UBE2E2: variants seen among roughly 807,000 people sequenced by gnomAD.
UBE2E2 encodes ubiquitin-conjugating enzyme E2 E2.
Under a neutral mutation model 24.7 loss-of-function variants are expected in UBE2E2, and 6 were observed. The ratio of observed to expected loss-of-function variants is 0.24; its 90% CI spans 0.13 to 0.48. UBE2E2 has a LOEUF of 0.48. UBE2E2 is among the 20% of genes least tolerant of loss of function. The pLI is 0.99. For missense variants in UBE2E2, 169 were observed against 245.0 expected, an observed-to-expected ratio of 0.69 and a Z score of 2.07; for synonymous variants, 104 against 83.6, an observed-to-expected ratio of 1.24 and a Z score of -1.33.
chr3:23,251,174 A>G (rs959619212), intron 3 of UBE2E2, among the ~76,000 whole-genome samples: 5 of 152,150 alleles, frequency 3.3e-5, no homozygotes, highest in African/African-American at 1.2e-4. Flanking sequence ...TCGTGTGTGT[A>G]TCAGCTTCAG....
chr3:23,418,185 C>T (rs551155443), intron 3 of UBE2E2, among the ~76,000 whole-genome samples: 5 of 152,284 alleles, frequency 3.3e-5, no homozygotes, highest in East Asian at 1.9e-4. Context: ...GCCCTGGTGG[C>T]GTAGGCACCC....
intron 5 of UBE2E2, among the ~76,000 whole-genome samples, chr3:23,561,266 A>T (rs1383985095): frequency 6.6e-6 from 1 of 152,158 alleles, no homozygotes; most frequent in Non-Finnish European, 1.5e-5. Flanking sequence ...TAAGGAAGGG[A>T]TCCAGTTTCA....
intron 2 of UBE2E2, among the ~76,000 whole-genome samples, chr3:23,212,489 T>C (rs1169142405): frequency 6.6e-6 from 1 of 152,186 alleles, no homozygotes; most frequent in African/African-American, 2.4e-5. Context: ...TTTTACGGGT[T>C]GATACATCTG....
chr3:23,322,899 G>A (rs57624654), intron 3 of UBE2E2, among the ~76,000 whole-genome samples: 49,098 of 151,584 alleles, frequency 0.32, 8,200 homozygotes, highest in South Asian at 0.37. Context: ...TAGCTGTAGA[G>A]TCCTAAGGAT....
At chr3:23,413,834 T>A (rs1697555788) in intron 3 of UBE2E2, among the ~76,000 whole-genome samples, 10 of 152,214 alleles carry the variant, frequency 6.6e-5, no homozygotes, top group Admixed American at 6.5e-4. Flanking sequence ...ATCCAGTGCA[T>A]ACCTGATGAG....
chr3:23,450,324 T>C (rs1416252915), intron 3 of UBE2E2, among the ~76,000 whole-genome samples: 4 of 152,200 alleles, frequency 2.6e-5, no homozygotes, highest in African/African-American at 9.6e-5. Flanking sequence ...ACTAACCTCA[T>C]GTGGCTACTG....
intron 2 of UBE2E2, among the ~76,000 whole-genome samples, chr3:23,211,885 G>A (rs913341829): frequency 1.3e-5 from 2 of 152,084 alleles, no homozygotes; most frequent in Non-Finnish European, 2.9e-5. Flanking sequence ...TAAAATCTAC[G>A]GTCATATTTT....
chr3:23,433,017 T>C (rs967855081), intron 3 of UBE2E2, among the ~76,000 whole-genome samples: 4 of 152,006 alleles, frequency 2.6e-5, no homozygotes, highest in Non-Finnish European at 5.9e-5. Flanking sequence ...ACAGAACTTT[T>C]AACTTATGAT....
intron 3 of UBE2E2, among the ~76,000 whole-genome samples, chr3:23,298,295 A>T (rs1698970479): frequency 6.6e-6 from 1 of 152,032 alleles, no homozygotes; most frequent in East Asian, 1.9e-4. Context: ...CTCCTGCCTA[A>T]TTGCCCTGGC....
intron 3 of UBE2E2, among the ~76,000 whole-genome samples, chr3:23,282,607 G>T (rs1484022179): frequency 6.6e-6 from 1 of 152,052 alleles, no homozygotes; most frequent in Non-Finnish European, 1.5e-5. Flanking sequence ...CCTGTGCCTT[G>T]TATTCTGCAG....
At chr3:23,351,826 G>A (rs1434671806) in intron 3 of UBE2E2, among the ~76,000 whole-genome samples, 1 of 152,072 alleles carries the variant, frequency 6.6e-6, no homozygotes, top group African/African-American at 2.4e-5. Flanking sequence ...ACAGATCAAC[G>A]AGACAGAAAG....
chr3:23,532,721 G>T lies in UBE2E2; in HGVS notation c.508+20G>T, dbSNP rs779113222. ...ACCCTGGTAAGAGACTTTAAATCTA[G>T]TATGAATTGGAGCTTGTCAAGATTT... is the stretch of plus-strand genomic sequence containing the variant. On this transcript the variant is annotated intron_variant, in intron 5 of 5. Transcript: ENST00000396703. 3.3e-6 allele frequency: 5 copies of T among 1,496,584 alleles called. No homozygotes were observed. The highest frequency in any genetic ancestry group is 4.5e-6 in the Non-Finnish European group (5 of 1,101,686). The allele number at this position is 1,496,584 out of a possible 1,614,324, so 92.7% of individuals were successfully genotyped here.
intron 3 of UBE2E2, among the ~76,000 whole-genome samples, chr3:23,316,344 C>G (rs1364280102): frequency 6.6e-6 from 1 of 152,066 alleles, no homozygotes; most frequent in Non-Finnish European, 1.5e-5. Flanking sequence ...GTCCTTCCCA[C>G]TCTTCCTTCC....
At chr3:23,451,918 T>A (rs896063755) in intron 3 of UBE2E2, among the ~76,000 whole-genome samples, 1 of 152,214 alleles carries the variant, frequency 6.6e-6, no homozygotes, top group African/African-American at 2.4e-5. Context: ...GATAAATTTT[T>A]ATCATTTTTA....
Position 23,337,721 on chromosome 3 carries a change from CA to C in UBE2E2, c.227+120414del, listed in dbSNP as rs1695251219. The stretch of plus-strand genomic sequence containing the variant: ...AGAACTGGAGTATGAAAGAAGAATT[CA>C]AAAAGGTTAATATAGGTGGAATGTA... On this transcript the variant is annotated intron_variant, in intron 3 of 5. Transcript: ENST00000396703. 2.6e-5 allele frequency among the ~76,000 whole-genome samples: 4 copies of C among 152,170 alleles called. No individual in the cohort carries two copies. The South Asian group carries it at 8.3e-4, about 32-fold the overall frequency.
At chr3:23,577,569 G>T (rs190982390) in intron 5 of UBE2E2, among the ~76,000 whole-genome samples, 96 of 152,310 alleles carry the variant, frequency 6.3e-4, no homozygotes, top group Middle Eastern at 3.4e-3. Flanking sequence ...AAAATTGCAA[G>T]GTTGAGGGTG....
At chr3:23,304,584 A>G (rs1285896501) in intron 3 of UBE2E2, among the ~76,000 whole-genome samples, 1 of 152,202 alleles carries the variant, frequency 6.6e-6, no homozygotes, top group Non-Finnish European at 1.5e-5. Context: ...CTTGTGATAC[A>G]TTATTTTACT....
chr3:23,424,196 T>C (rs1415044013), intron 3 of UBE2E2, among the ~76,000 whole-genome samples: 1 of 152,234 alleles, frequency 6.6e-6, no homozygotes, highest in African/African-American at 2.4e-5. Context: ...GGAACTTTTT[T>C]TTCTATGTTG....
chr3:23,489,753 G>A (rs1699457661), intron 3 of UBE2E2, among the ~76,000 whole-genome samples: 1 of 152,142 alleles, frequency 6.6e-6, no homozygotes, highest in South Asian at 2.1e-4. Context: ...CTGGGAGTGG[G>A]GGACCCCTGG....
Sources: allele counts gnomAD v4.1 joint callset (sites outside exome capture counted in the v4.1 genomes callset), GRCh38; gene constraint gnomAD v4.1.1; transcripts MANE v1.5; gene names NCBI Gene and HGNC (gene_info 2026-07-23, HGNC 2026-07-21).